The following HAO1 variants were observed in gnomAD, a reference collection of about 807,000 sequenced individuals.
HAO1 encodes hydroxyacid oxidase 1.
A neutral mutation model predicts 39.7 loss-of-function variants in HAO1; 34 were observed. The observed-to-expected ratio is 0.86, with a 90% CI of 0.65 to 1.14. The LOEUF (loss-of-function observed/expected upper bound fraction) is 1.14. Among genes scored for constraint, HAO1 ranks in the 50% most tolerant of loss-of-function variants. The pLI, the probability that HAO1 is intolerant of heterozygous loss-of-function variation, is 0.00. For synonymous variants in HAO1, 172 were observed against 173.2 expected (o/e 0.99, Z 0.05); for missense variants, 479 against 464.5 (o/e 1.03, Z -0.29).
At chr20:7,893,360 C>T (rs989763444) in intron 5 of HAO1, among the ~76,000 whole-genome samples, 1 of 152,142 alleles carries the variant, frequency 6.6e-6, no homozygotes, top group Non-Finnish European at 1.5e-5. Context: ...AAGATGATAA[C>T]AGCTCTTTAC....
chr20:7,905,983 A>G (rs2050245707), intron 4 of HAO1, among the ~76,000 whole-genome samples, 171 bp downstream of exon 4: 1 of 152,182 alleles, frequency 6.6e-6, no homozygotes, highest in South Asian at 2.1e-4. Flanking sequence ...AATATTACCT[A>G]AGAATGAAGA....
chr20:7,905,572 G>A (rs149763589), intron 4 of HAO1, among the ~76,000 whole-genome samples: 30 of 152,176 alleles, frequency 2.0e-4, no homozygotes, highest in African/African-American at 6.7e-4. Context: ...TCTCCCTGTG[G>A]GATCTGAATA....
chr20:7,885,761 A>G lies in HAO1; in HGVS notation c.917T>C (p.Leu306Pro). 1.2e-6 allele frequency: 2 copies of G among 1,613,874 alleles called. No individual in the cohort carries two copies. Among genetic ancestry groups the G allele is most frequent in the Non-Finnish European group, 1.7e-6 (2 of 1,179,766 alleles). ...KGTDVLKALA[L>P]GAKAVFVGRP... is the part of the protein sequence containing the mutation. The stretch of plus-strand genomic sequence containing the variant: ...CCCCACAAACACAGCCTTGGCGCCA[A>G]GAGCCAGAGCTTTCAGAACATCAGT... Residue 306 changes from leucine (L) to proline (P), a missense_variant, in exon 6 of 8, where the codon CTT (leucine) becomes CCT (proline). Coordinates refer to ENST00000378789, the MANE Select transcript of HAO1 (RefSeq NM_017545.3).
At chr20:7,909,604 GA>G (rs1317162815) in intron 3 of HAO1, among the ~76,000 whole-genome samples, 1 of 151,260 alleles carries the variant, frequency 6.6e-6, no homozygotes, top group East Asian at 1.9e-4. Flanking sequence ...TTTTAATATA[GA>G]AGTTGTTTTA....
chr20:7,894,760 A>C (rs1178536678), intron 5 of HAO1, among the ~76,000 whole-genome samples: 1 of 152,182 alleles, frequency 6.6e-6, no homozygotes, highest in African/African-American at 2.4e-5. Context: ...ACAGCCTTTG[A>C]AATCCCACAA....
intron 4 of HAO1, among the ~76,000 whole-genome samples, chr20:7,899,680 T>C (rs1180181988): frequency 2.6e-5 from 4 of 152,190 alleles, no homozygotes; most frequent in African/African-American, 9.6e-5. Flanking sequence ...TATAACCAGA[T>C]ATAAGCCCCT....
chr20:7,884,287 GA>G (rs2050141270), intron 7 of HAO1, among the ~76,000 whole-genome samples: 1 of 152,066 alleles, frequency 6.6e-6, no homozygotes, highest in Non-Finnish European at 1.5e-5. Context: ...CTGCAATCAA[GA>G]CAACAAAGCC....
At chr20:7,890,619 T>C (rs531069528) in intron 5 of HAO1, among the ~76,000 whole-genome samples, 1 of 152,272 alleles carries the variant, frequency 6.6e-6, no homozygotes, top group East Asian at 1.9e-4. Context: ...TCTTAAGTAG[T>C]AATTTTTGAG....
intron 2 of HAO1, among the ~76,000 whole-genome samples, chr20:7,920,642 C>A (rs1480707164): frequency 6.6e-6 from 1 of 151,986 alleles, no homozygotes; most frequent in Non-Finnish European, 1.5e-5. Context: ...TGAGACCTAC[C>A]TTTTTAGATT....
intron 2 of HAO1, among the ~76,000 whole-genome samples, chr20:7,915,201 T>C (rs561438806): frequency 2.0e-5 from 3 of 152,190 alleles, no homozygotes; most frequent in Non-Finnish European, 4.4e-5. Context: ...TGGTGAAACA[T>C]GTCTGAATGC....
rs148209012 is a variant in HAO1, at chr20:7,935,555, G to A, written c.138-920C>T. Reference sequence around the variant, plus strand: ...CATATTCATTAAAGTCTAATGATGAGGGAAGGTTTTTTATTAGTTTAATTT... The same window carrying A: ...CATATTCATTAAAGTCTAATGATGAAGGAAGGTTTTTTATTAGTTTAATTT... On this transcript the variant is annotated intron_variant, in intron 1 of 7. Coordinates refer to ENST00000378789, the MANE Select transcript of HAO1 (RefSeq NM_017545.3). Among the ~76,000 whole-genome samples the A allele has an allele frequency of 6.0e-4, 91 of 152,256 alleles. No homozygotes were observed. In the East Asian group the frequency reaches 0.016, roughly 26 times the overall value.
At chr20:7,932,519 G>A (rs1319183385) in intron 2 of HAO1, among the ~76,000 whole-genome samples, 1 of 152,120 alleles carries the variant, frequency 6.6e-6, no homozygotes, top group Non-Finnish European at 1.5e-5. Context: ...AAAATCAGAA[G>A]AGTATAAAGT....
At chr20:7,892,603 G>T (rs1211038070) in intron 5 of HAO1, among the ~76,000 whole-genome samples, 4 of 152,084 alleles carry the variant, frequency 2.6e-5, no homozygotes, top group Admixed American at 2.6e-4. Flanking sequence ...TTTTCCAGTT[G>T]TGTGGATAAA....
chr20:7,910,220 C>G (rs1489468428), intron 3 of HAO1, among the ~76,000 whole-genome samples: 1 of 152,108 alleles, frequency 6.6e-6, no homozygotes, highest in Non-Finnish European at 1.5e-5. Context: ...AACATAAGCA[C>G]TATACAAAGC....
intron 4 of HAO1, among the ~76,000 whole-genome samples, chr20:7,896,897 C>G (rs2050200362): frequency 6.6e-6 from 1 of 152,164 alleles, no homozygotes; most frequent in Admixed American, 6.6e-5. Context: ...GACATAATGT[C>G]TGCCTTCAGC....
intron 4 of HAO1, among the ~76,000 whole-genome samples, chr20:7,901,610 C>CA (rs1244998352): frequency 6.6e-6 from 1 of 152,172 alleles, no homozygotes; most frequent in Non-Finnish European, 1.5e-5. Flanking sequence ...TGGAAGAACA[C>CA]AAAAAGATTA....
At chr20:7,914,080 G>T (rs141825451) in intron 3 of HAO1, 84 bp downstream of exon 3, 3 of 1,435,054 alleles carry the variant, frequency 2.1e-6, no homozygotes, top group Non-Finnish European at 2.9e-6. Flanking sequence ...GTTTAGCAAC[G>T]TTGCTATCAG....
At position 7,927,197 on chromosome 20, in the gene HAO1, A is replaced by T. The variant is rs573850961; in HGVS notation, c.289+7287T>A. Among the ~76,000 whole-genome samples the T allele has an allele frequency of 4.0e-4, 61 of 152,236 alleles. No individual in the cohort carries two copies. The South Asian group carries it at 0.012, about 31-fold the overall frequency. On this transcript the variant is annotated intron_variant, in intron 2 of 7. Coordinates refer to ENST00000378789, the MANE Select transcript of HAO1 (RefSeq NM_017545.3). ...CAAATGGTATAGTAAGCATTTTATT[A>T]ATTGGATATTTGAGAAGTCAGAGAT...
At chr20:7,883,766 T>C in intron 7 of HAO1, 103 bp from the exon 8 acceptor site, 1 of 994,308 alleles carries the variant, frequency 1.0e-6, no homozygotes, top group Admixed American at 1.7e-5. Flanking sequence ...GTAAGGTTTA[T>C]GATTCAAGGT....
Sources: allele counts gnomAD v4.1 joint callset (sites outside exome capture counted in the v4.1 genomes callset), GRCh38; gene constraint gnomAD v4.1.1; transcripts MANE v1.5; gene names NCBI Gene and HGNC (gene_info 2026-07-23, HGNC 2026-07-21).